Variants in ESR1 observed in about 807,000 individuals in gnomAD.
ESR1 encodes the protein estrogen receptor.
A neutral mutation model predicts 52.7 loss-of-function variants in ESR1; 12 were observed. The observed-to-expected ratio is 0.23, with a 90% CI of 0.15 to 0.37. The LOEUF is 0.37. Ranked by LOEUF, ESR1 falls within the 10% of genes least tolerant of loss-of-function variation. The pLI is 1.00. For missense variants in ESR1, 584 were observed against 779.7 expected (o/e 0.75, Z 2.99); for synonymous variants, 305 against 316.8 (o/e 0.96, Z 0.39).
At chr6:151,878,044 G>T (rs1274221733) in intron 2 of ESR1, among the ~76,000 whole-genome samples, 1 of 151,860 alleles carries the variant, frequency 6.6e-6, no homozygotes, top group Non-Finnish European at 1.5e-5. Flanking sequence ...AAAACTCCTG[G>T]TCTCAAACTA....
At chr6:152,081,797 C>T (rs1250117826) in intron 6 of ESR1, among the ~76,000 whole-genome samples, 1 of 152,056 alleles carries the variant, frequency 6.6e-6, no homozygotes, top group Non-Finnish European at 1.5e-5. Context: ...AGGGATATCA[C>T]CACCGATCCC....
intron 5 of ESR1, among the ~76,000 whole-genome samples, chr6:152,048,714 A>G (rs1192670509): frequency 6.6e-6 from 1 of 152,232 alleles, no homozygotes; most frequent in Admixed American, 6.5e-5. Context: ...TGCCTAACAT[A>G]AAGTCTGCCA....
At chr6:151,906,052 A>T (rs1383954459) in intron 3 of ESR1, among the ~76,000 whole-genome samples, 3 of 152,208 alleles carry the variant, frequency 2.0e-5, no homozygotes, top group Non-Finnish European at 4.4e-5. Context: ...AAAAAATTGC[A>T]ACCTCGGCGT....
intron 1 of ESR1, among the ~76,000 whole-genome samples, chr6:151,695,539 C>A (rs1779271378): frequency 6.6e-6 from 1 of 152,166 alleles, no homozygotes; most frequent in African/African-American, 2.4e-5. Flanking sequence ...CCTAAACATA[C>A]CTCCTCCCCT....
intron 2 of ESR1, among the ~76,000 whole-genome samples, chr6:151,775,831 A>G (rs1461088354): frequency 6.6e-6 from 1 of 152,186 alleles, no homozygotes; most frequent in Non-Finnish European, 1.5e-5. Context: ...CAGAATCTAC[A>G]GAAGATATTG....
rs115932592 is a variant in ESR1, at chr6:151,937,071, G to A, written c.761-7102G>A. On this transcript the variant is annotated intron_variant, in intron 3 of 7. Transcript: ENST00000206249. Reference sequence around the variant, plus strand: ...TATCCTTGTTTTATAAAAAACAAAGGTTTTTGGAAGGGATTTGTAGAGATA... The same window carrying A: ...TATCCTTGTTTTATAAAAAACAAAGATTTTTGGAAGGGATTTGTAGAGATA... 3.6e-3 allele frequency among the ~76,000 whole-genome samples: 546 copies of A among 152,242 alleles called. 4 individuals are homozygous for A. The highest frequency in any genetic ancestry group is 0.013 in the African/African-American group (520 of 41,530).
chr6:151,693,626 A>AT (rs967090034), intron 1 of ESR1, among the ~76,000 whole-genome samples: 16 of 151,580 alleles, frequency 1.1e-4, no homozygotes, highest in South Asian at 2.1e-4. Flanking sequence ...CTCTATGCTG[A>AT]TTTTTTTTTG....
Position 151,953,821 on chromosome 6 carries a change from C to T in ESR1, c.1096+9313C>T, listed in dbSNP as rs368412306. Reference sequence around the variant, plus strand: ...ATATAACTCCCTCTGTAACCGATAACTTTCTAGAGAAAGCTCACTGAATAT... The same window carrying T: ...ATATAACTCCCTCTGTAACCGATAATTTTCTAGAGAAAGCTCACTGAATAT... On this transcript the variant is annotated intron_variant, in intron 4 of 7. Transcript: ENST00000206249. Among the ~76,000 whole-genome samples the T allele has an allele frequency of 4.6e-5, 7 of 152,210 alleles. No homozygotes were observed. The South Asian group carries it at 1.5e-3, about 32-fold the overall frequency.
chr6:152,060,788 T>C (rs1430996427), intron 5 of ESR1, among the ~76,000 whole-genome samples: 1 of 152,194 alleles, frequency 6.6e-6, no homozygotes, highest in Non-Finnish European at 1.5e-5. Flanking sequence ...GAGAATGTTT[T>C]ATTGATGGGA....
intron 2 of ESR1, among the ~76,000 whole-genome samples, chr6:151,869,233 A>C (rs1790519168): frequency 1.3e-5 from 2 of 152,210 alleles, no homozygotes; most frequent in South Asian, 4.1e-4. Flanking sequence ...AATGAGTACA[A>C]GTGGGAGGAA....
At chr6:151,717,652 G>A (rs1330533857) in intron 2 of ESR1, among the ~76,000 whole-genome samples, 1 of 152,064 alleles carries the variant, frequency 6.6e-6, no homozygotes, top group African/African-American at 2.4e-5. Context: ...CATTAATATT[G>A]GCTGACCCCG....
At chr6:151,984,867 G>T (rs9383954) in intron 4 of ESR1, among the ~76,000 whole-genome samples, 1 of 151,898 alleles carries the variant, frequency 6.6e-6, no homozygotes, top group African/African-American at 2.4e-5. Flanking sequence ...TGGATATTTT[G>T]AGATAACTGT....
At chr6:151,985,869 C>T (rs3020329) in intron 4 of ESR1, among the ~76,000 whole-genome samples, 96,988 of 151,680 alleles carry the variant, frequency 0.64, 32,576 homozygotes, top group Middle Eastern at 0.79. Flanking sequence ...GGTTTCACCA[C>T]GTTGGCCCAG....
chr6:151,958,147 G>C (rs2037215551), intron 4 of ESR1, among the ~76,000 whole-genome samples: 1 of 152,138 alleles, frequency 6.6e-6, no homozygotes, highest in African/African-American at 2.4e-5. Context: ...ATGGATATTT[G>C]GTGGGCAAAT....
exon 7 of ESR1, chr6:152,125,440 C>T: frequency 7.0e-7 from 1 of 1,436,880 alleles, no homozygotes; most frequent in Non-Finnish European, 9.3e-7. Context: ...GTTACATGAC[C>T]ATGGGCAAGT....
chr6:151,662,288 T>A (rs186919797), intron 1 of ESR1, among the ~76,000 whole-genome samples: 1 of 152,370 alleles, frequency 6.6e-6, no homozygotes, highest in African/African-American at 2.4e-5. Flanking sequence ...TTTCTTTTCC[T>A]GTATTTGGTT....
chr6:151,676,671 C>T (rs1778263709), intron 1 of ESR1, among the ~76,000 whole-genome samples: 1 of 152,180 alleles, frequency 6.6e-6, no homozygotes, highest in African/African-American at 2.4e-5. Flanking sequence ...TTGGCACCCT[C>T]ACTCGCTGCA....
intron 1 of ESR1, among the ~76,000 whole-genome samples, chr6:151,824,099 G>A (rs1781056742): frequency 1.3e-5 from 2 of 152,116 alleles, no homozygotes; most frequent in South Asian, 4.2e-4. Flanking sequence ...CAGTGTAAAA[G>A]TGTTCCTGTT....
intron 6 of ESR1, chr6:152,122,404 A>C (rs1042274520): frequency 5.0e-6 from 8 of 1,613,764 alleles, no homozygotes; most frequent in Admixed American, 1.7e-5. Context: ...TCCTTATGCT[A>C]CCAGCACTTC....
Sources: gnomAD v4.1 joint callset for allele counts (sites outside exome capture counted in the v4.1 genomes callset) on GRCh38, gnomAD v4.1.1 for gene constraint, MANE v1.5 for transcripts, NCBI Gene and HGNC (gene_info 2026-07-23, HGNC 2026-07-21) for gene names.